The following HIVEP1 variants were observed in gnomAD, a reference collection of about 807,000 sequenced individuals.
The protein encoded by HIVEP1 is HIVEP zinc finger 1, also known as zinc finger protein 40.
HIVEP1 carries 36 observed loss-of-function variants against 180.0 expected under a neutral mutation model. That is an observed-to-expected ratio of 0.20 (90% CI 0.15 to 0.26). The LOEUF is 0.26. HIVEP1 is among the 10% of genes least tolerant of loss of function. The pLI, the probability that HIVEP1 is intolerant of heterozygous loss-of-function variation, is 1.00. For missense variants in HIVEP1, 3,143 were observed against 3,268.7 expected (o/e 0.96, Z 0.94); for synonymous variants, 1,239 against 1,239.0 (o/e 1.00, Z 0.00).
chr6:12,012,457 C>T lies in HIVEP1; in HGVS notation c.-213C>T, dbSNP rs1043427300. On this transcript the variant is annotated 5_prime_UTR_variant, in exon 1 of 9. Transcript: ENST00000379388. ...AAGGAGGGATCCCAGGCGCCGCCGCCGCCGCCGCGCGGGGGTCGCGGAGAT... is the reference window on the plus strand; with the variant it reads ...AAGGAGGGATCCCAGGCGCCGCCGCTGCCGCCGCGCGGGGGTCGCGGAGAT... The T allele has an allele frequency of 9.8e-4, 147 of 149,964 alleles. No homozygotes were observed. Among genetic ancestry groups the T allele is most frequent in the Non-Finnish European group, 1.8e-3 (123 of 67,198 alleles). 9.3% of individuals were successfully genotyped at this position (149,964 alleles called of 1,614,324 possible).
chr6:12,205,185 A>ATTTTTTT, the HIVEP1 span, among the ~76,000 whole-genome samples: 6 of 152,108 alleles, frequency 3.9e-5, no homozygotes, highest in Admixed American at 1.3e-4. Context: ...AAATTTGAAC[A>ATTTTTTT]AAGCGGCTGG....
chr6:12,166,286 G>A (rs973170942), downstream of HIVEP1, among the ~76,000 whole-genome samples: 1 of 152,056 alleles, frequency 6.6e-6, no homozygotes, highest in Admixed American at 6.6e-5. Flanking sequence ...CAAAAATAAT[G>A]CTTGGAGTTT....
chr6:12,155,762 C>T (rs1760002644), intron 7 of HIVEP1, among the ~76,000 whole-genome samples: 1 of 152,132 alleles, frequency 6.6e-6, no homozygotes, highest in East Asian at 1.9e-4. Flanking sequence ...TGGGTATATA[C>T]CCAGTAATGT....
intron 3 of HIVEP1, among the ~76,000 whole-genome samples, chr6:12,099,479 G>A (rs1773980838): frequency 6.6e-6 from 1 of 152,022 alleles, no homozygotes; most frequent in South Asian, 2.1e-4. Context: ...CTGAGTTTTT[G>A]GCCTGGAGGA....
intron 6 of HIVEP1, among the ~76,000 whole-genome samples, chr6:12,134,143 A>G (rs1352972384): frequency 6.6e-6 from 1 of 152,230 alleles, no homozygotes; most frequent in African/African-American, 2.4e-5. Context: ...TAAAGCTGTC[A>G]CATAAAAGTA....
intron 7 of HIVEP1, among the ~76,000 whole-genome samples, chr6:12,140,105 T>C (rs899280736): frequency 6.6e-6 from 1 of 152,168 alleles, no homozygotes; most frequent in South Asian, 2.1e-4. Flanking sequence ...TGACACCTCA[T>C]ACAGGCGGGT....
chr6:12,015,913 G>T (rs1767710334), intron 2 of HIVEP1, among the ~76,000 whole-genome samples: 2 of 152,120 alleles, frequency 1.3e-5, no homozygotes, highest in African/African-American at 4.8e-5. Context: ...CATTAGATGG[G>T]GTATTAAAGG....
rs748597092 is a variant in HIVEP1, at chr6:12,120,275, T to A, written c.480T>A (p.Asp160Glu). 1.2e-5 allele frequency: 19 copies of A among 1,614,080 alleles called. No individual in the cohort carries two copies. In the African/African-American group the frequency reaches 2.4e-4, roughly 20 times the overall value. Residue 160 changes from aspartate (D) to glutamate (E), a missense_variant, in exon 4 of 9, where the codon GAT becomes GAA. Around this residue, in one of 12 missense-constraint regions of HIVEP1, gnomAD observed 306 missense variants for 310.6 expected, o/e 0.99. Coordinates refer to ENST00000379388, the MANE Select transcript of HIVEP1 (RefSeq NM_002114.4). ...ATCCTGCCAAATTCAGTGACCTCGA[T>A]GAACAATGTGACTCAAGTTCCTTGT... Reference protein sequence around the residue: ...GADPAKFSDLDEQCDSSSLSS... With the variant: ...GADPAKFSDLEEQCDSSSLSS...
chr6:12,121,781 C>A lies in HIVEP1; in HGVS notation c.1986C>A (p.Leu662=). Residue 662 remains leucine, a synonymous_variant, in exon 4 of 9, where the codon CTC becomes CTA. Transcript: ENST00000379388. This position sits in a 1 kb window ranked among gnomAD's most constrained non-coding sequence, Gnocchi z 5.3. ...TDYSQEQQGK[L]LSPRSLGSTD... ...ACTCCCAAGAGCAGCAAGGAAAGCTCCTGAGTCCTCGAAGTTTAGGAAGTA... is the reference window on the plus strand; with the variant it reads ...ACTCCCAAGAGCAGCAAGGAAAGCTACTGAGTCCTCGAAGTTTAGGAAGTA... 1 of 1,614,148 alleles carries A rather than the reference C, an allele frequency of 6.2e-7. No homozygotes were observed. Among genetic ancestry groups the A allele is most frequent in the Non-Finnish European group, 8.5e-7 (1 of 1,180,020 alleles).
upstream of HIVEP1, chr6:12,007,976 A>C (rs1355212271): frequency 1.3e-5 from 2 of 152,140 alleles, no homozygotes; most frequent in African/African-American, 4.8e-5. Flanking sequence ...TGTTGGTGTA[A>C]AGTGGAGGCA....
chr6:12,211,479 A>G, the HIVEP1 span, among the ~76,000 whole-genome samples: 5 of 32,790 alleles, frequency 1.5e-4, no homozygotes. Context: ...ATATATGTAT[A>G]TATATATACA....
At position 12,123,731 on chromosome 6, in the gene HIVEP1, A is replaced by T; in HGVS notation, c.3936A>T (p.Leu1312Phe). ...LSRSLSRESS[L>F]SHTSSFSASL... is the part of the protein sequence containing the mutation. ...GGAGTCTAAGTAGGGAGAGCAGTTTATCTCACACTTCAAGTTTCTCAGCCT... is the reference window on the plus strand; with the variant it reads ...GGAGTCTAAGTAGGGAGAGCAGTTTTTCTCACACTTCAAGTTTCTCAGCCT... Residue 1312 changes from leucine (L) to phenylalanine (F), a missense_variant, in exon 4 of 9, where the codon TTA becomes TTT. Leu to Phe is a conservative substitution (Grantham distance 22, BLOSUM62 0). Coordinates refer to ENST00000379388, the MANE Select transcript of HIVEP1 (RefSeq NM_002114.4). 6.2e-7 allele frequency: 1 copy of T among 1,613,982 alleles called. No individual in the cohort carries two copies. The highest frequency in any genetic ancestry group is 8.5e-7 in the Non-Finnish European group (1 of 1,179,822).
At chr6:12,168,321 T>TATATACATATATAC (rs1358551346), downstream of HIVEP1, among the ~76,000 whole-genome samples, 5 of 137,772 alleles carry the variant, frequency 3.6e-5, no homozygotes, top group East Asian at 2.0e-4. Flanking sequence ...ATTATATACA[T>TATATACATATATAC]ATATATTATA....
chr6:12,171,393 C>G, the HIVEP1 span, among the ~76,000 whole-genome samples: 1 of 152,120 alleles, frequency 6.6e-6, no homozygotes, highest in African/African-American at 2.4e-5. Flanking sequence ...AAACCACACT[C>G]TATACCCTCA....
In HIVEP1 at chr6:12,163,579, G is replaced by A; in HGVS notation, c.7275G>A (p.Gln2425=). 3.1e-6 allele frequency: 5 copies of A among 1,614,212 alleles called. No homozygotes were observed. Among genetic ancestry groups the A allele is most frequent in the Non-Finnish European group, 4.2e-6 (5 of 1,180,048 alleles). Residue 2425 remains glutamine, a synonymous_variant, in exon 9 of 9, where the codon CAG becomes CAA. Coordinates refer to ENST00000379388, the MANE Select transcript of HIVEP1 (RefSeq NM_002114.4). ...TGCCCCTTCAGGCTGGACCAGTGCAGCTCACGATCCCTGCTGTCAGTGTCG... is the reference window on the plus strand; with the variant it reads ...TGCCCCTTCAGGCTGGACCAGTGCAACTCACGATCCCTGCTGTCAGTGTCG... ...TFVPLQAGPV[Q]LTIPAVSVVH...
At chr6:12,201,387 G>A in the HIVEP1 span, among the ~76,000 whole-genome samples, 2 of 152,166 alleles carry the variant, frequency 1.3e-5, no homozygotes, top group East Asian at 3.9e-4. Flanking sequence ...TGAGGTGAGA[G>A]GATCACTTGA....
intron 3 of HIVEP1, among the ~76,000 whole-genome samples, chr6:12,107,337 G>A (rs1774496263): frequency 6.6e-6 from 1 of 152,148 alleles, no homozygotes; most frequent in Non-Finnish European, 1.5e-5. Flanking sequence ...AAAAAATATT[G>A]CCAAAAATGT....
intron 3 of HIVEP1, among the ~76,000 whole-genome samples, chr6:12,102,940 TTAAA>T (rs1414997092): frequency 2.0e-5 from 3 of 152,110 alleles, no homozygotes; most frequent in African/African-American, 4.8e-5. Context: ...TCAGTCTACT[TTAAA>T]TATTTTGTAT....
intron 3 of HIVEP1, among the ~76,000 whole-genome samples, chr6:12,104,425 CTTTTTTTT>C (rs70981665): frequency 8.2e-5 from 6 of 72,778 alleles, no homozygotes; most frequent in South Asian, 6.2e-4. Context: ...CTTTTCTTTC[CTTTTTTTT>C]TTTTTTTTTT....
Sources: gnomAD v4.1 joint callset for allele counts (sites outside exome capture counted in the v4.1 genomes callset) on GRCh38, gnomAD v4.1.1 for gene constraint, gnomAD v4.1.1 regional missense constraint, Gnocchi (gnomAD v3.1) non-coding constraint, MANE v1.5 for transcripts, NCBI Gene and HGNC (gene_info 2026-07-23, HGNC 2026-07-21) for gene names.